Variants in PCDHGA6 observed in about 807,000 individuals in gnomAD.
PCDHGA6 encodes the protein protocadherin gamma subfamily A, 6, also known as protocadherin gamma-A6.
In PCDHGA6, 41 loss-of-function variants were observed where a neutral mutation model predicts 60.6. That is an observed-to-expected ratio of 0.68 (90% CI 0.53 to 0.88). The LOEUF is 0.88. Ranked by LOEUF, PCDHGA6 falls within the 40% of genes least tolerant of loss-of-function variation. The pLI is 0.00. For missense variants in PCDHGA6, 1,312 were observed against 1,203.0 expected, an observed-to-expected ratio of 1.09 and a Z score of -1.34; for synonymous variants, 594 against 524.4, an observed-to-expected ratio of 1.13 and a Z score of -1.81.
intron 1 of PCDHGA6, among the ~76,000 whole-genome samples, chr5:141,456,907 G>A (rs1430292511): frequency 6.6e-6 from 1 of 152,108 alleles, no homozygotes; most frequent in Non-Finnish European, 1.5e-5. Flanking sequence ...AGGTTGCAGT[G>A]AGCCGAGATC....
chr5:141,451,069 C>G (rs2098705799), intron 1 of PCDHGA6, among the ~76,000 whole-genome samples: 1 of 151,836 alleles, frequency 6.6e-6, no homozygotes, highest in Non-Finnish European at 1.5e-5. Flanking sequence ...ACCTTGTGAT[C>G]CACCCACCTT....
In PCDHGA6 at chr5:141,503,604, A is replaced by G. The variant is rs189211439; in HGVS notation, c.2484-1789A>G. 5.2e-3 allele frequency among the ~76,000 whole-genome samples: 793 copies of G among 151,946 alleles called. 3 individuals carry two copies. The highest frequency in any genetic ancestry group is 8.3e-3 in the Non-Finnish European group (566 of 67,924). On this transcript the variant is annotated intron_variant, in intron 2 of 3. Coordinates refer to ENST00000517434, the MANE Select transcript of PCDHGA6 (RefSeq NM_018919.3). ...ACAGAGCGAGACTCCAGCTCAAAAA[A>G]AAAAAAAAAAGAAAAAAGAAAAGAA...
At chr5:141,468,931 G>A (rs1321821773) in intron 1 of PCDHGA6, among the ~76,000 whole-genome samples, 2 of 148,600 alleles carry the variant, frequency 1.3e-5, no homozygotes, top group Non-Finnish European at 3.0e-5. Flanking sequence ...GCACTAAAAT[G>A]GGAGATGGGG....
chr5:141,413,812 C>G (rs761118146), intron 1 of PCDHGA6: 3 of 1,613,144 alleles, frequency 1.9e-6, no homozygotes, highest in Non-Finnish European at 1.7e-6. Context: ...GGCCATTCAC[C>G]ACCTGGTCCT....
chr5:141,458,171 A>G (rs548935841), intron 1 of PCDHGA6, among the ~76,000 whole-genome samples: 74 of 152,336 alleles, frequency 4.9e-4, no homozygotes, highest in African/African-American at 1.6e-3. Flanking sequence ...TCACAGTAGT[A>G]TACCTTACTT....
chr5:141,412,534 A>G (rs1324712420), intron 1 of PCDHGA6: 1 of 152,192 alleles, frequency 6.6e-6, no homozygotes, highest in African/African-American at 2.4e-5. Context: ...ACAATTATAA[A>G]GCTTCAGAGT....
At chr5:141,385,516 C>A in intron 1 of PCDHGA6, 1 of 1,367,218 alleles carries the variant, frequency 7.3e-7, no homozygotes, top group South Asian at 1.9e-5. Flanking sequence ...TAGTGAAAGC[C>A]TATGGACAAG....
At chr5:141,457,356 C>G (rs2098917888) in intron 1 of PCDHGA6, among the ~76,000 whole-genome samples, 1 of 152,170 alleles carries the variant, frequency 6.6e-6, no homozygotes, top group South Asian at 2.1e-4. Context: ...TTACCTGGCA[C>G]AATTTGCAAA....
At chr5:141,468,560 T>G (rs571224791) in intron 1 of PCDHGA6, 1 of 152,004 alleles carries the variant, frequency 6.6e-6, no homozygotes, top group Non-Finnish European at 1.5e-5. Flanking sequence ...ATTTGTGATA[T>G]AGTAAACAAT....
Position 141,431,386 on chromosome 5 carries a change from C to A in PCDHGA6, c.2424+54879C>A. The stretch of plus-strand genomic sequence containing the variant: ...ACCGCGAAGAAAAGGCTGCTCACCA[C>A]CTGGTCCTTACGGCCTCCGACGGGG... On this transcript the variant is annotated intron_variant, in intron 1 of 3. Coordinates refer to ENST00000517434, the MANE Select transcript of PCDHGA6 (RefSeq NM_018919.3). The surrounding 1 kb of genome is among the most constrained non-coding windows in gnomAD (Gnocchi z 4.8). The A allele has an allele frequency of 6.2e-7, 1 of 1,613,924 alleles. No individual in the cohort carries two copies. Among genetic ancestry groups the A allele is most frequent in the Non-Finnish European group, 8.5e-7 (1 of 1,180,038 alleles).
intron 1 of PCDHGA6, chr5:141,377,949 A>G (rs1774488021): frequency 6.6e-6 from 1 of 152,208 alleles, no homozygotes; most frequent in Non-Finnish European, 1.5e-5. Context: ...TAGAGTGTGT[A>G]TCCAGGGCAA....
intron 1 of PCDHGA6, among the ~76,000 whole-genome samples, chr5:141,402,570 C>G (rs947118867): frequency 1.3e-5 from 2 of 152,138 alleles, no homozygotes; most frequent in Admixed American, 1.3e-4. Flanking sequence ...TTATTTACAA[C>G]TCAGATATCT....
chr5:141,482,747 G>T lies in PCDHGA6; in HGVS notation c.2425-12060G>T, dbSNP rs182945398. On this transcript the variant is annotated intron_variant, in intron 1 of 3. Transcript: ENST00000517434. ...CATTGCAAGAAATTCCATGCAGAGG[G>T]ATTATGGTATTTCATTATCACTGAA... Among the ~76,000 whole-genome samples, 567 of 128,410 alleles carry T rather than the reference G, an allele frequency of 4.4e-3. 2 individuals carry two copies. The highest frequency in any genetic ancestry group is 0.019 in the African/African-American group (533 of 28,666). The allele number at this position is 128,410 out of a possible 152,430, so 84.2% of individuals were successfully genotyped here. A position where few individuals can be genotyped will look rare whatever the true frequency, so the allele number is the denominator to read the frequency against.
chr5:141,422,626 C>A, intron 1 of PCDHGA6: 2 of 1,613,334 alleles, frequency 1.2e-6, no homozygotes, highest in Non-Finnish European at 1.7e-6. Flanking sequence ...CGAAAACAAC[C>A]CCAGGGGTGC....
At chr5:141,386,155 C>A (rs763846568) in intron 1 of PCDHGA6, among the ~76,000 whole-genome samples, 73 of 152,278 alleles carry the variant, frequency 4.8e-4, no homozygotes, top group Middle Eastern at 3.4e-3. Flanking sequence ...AACTGTCTCA[C>A]GTACTCAAAC....
intron 1 of PCDHGA6, among the ~76,000 whole-genome samples, chr5:141,457,827 C>T (rs1300495115): frequency 2.0e-5 from 3 of 152,204 alleles, no homozygotes; most frequent in Admixed American, 6.5e-5. Context: ...AAACTCAGAG[C>T]TTCCAGACCT....
chr5:141,398,584 A>T lies in PCDHGA6; in HGVS notation c.2424+22077A>T, dbSNP rs201021035. On this transcript the variant is annotated intron_variant, in intron 1 of 3. Transcript: ENST00000517434. Reference sequence around the variant, plus strand: ...GTCTGCACAGCCTGGCACAAGATTTATACTAGAAGTAGCAGAAGATGCAGA... The same window carrying T: ...GTCTGCACAGCCTGGCACAAGATTTTTACTAGAAGTAGCAGAAGATGCAGA... 1.9e-6 allele frequency: 3 copies of T among 1,614,066 alleles called. No homozygotes were observed. In the South Asian group the frequency reaches 3.3e-5, roughly 18 times the overall value.
Position 141,489,068 on chromosome 5 carries a change from G to GC in PCDHGA6, c.2425-5736dup. ...CTCAAATTCAGCTCCCCTCCCCCCT[G>GC]CCCACCCCCGCCACTCGGTGACTAA... On this transcript the variant is annotated intron_variant, in intron 1 of 3. Transcript: ENST00000517434. The surrounding 1 kb of genome is among the most constrained non-coding windows in gnomAD (Gnocchi z 4.5). 3 of 291,558 alleles carry GC rather than the reference G, an allele frequency of 1.0e-5. No homozygotes were observed. Among genetic ancestry groups the GC allele is most frequent in the Admixed American group, 5.4e-5 (1 of 18,530 alleles). 18.1% of individuals were successfully genotyped at this position (291,558 alleles called of 1,614,324 possible).
intron 1 of PCDHGA6, among the ~76,000 whole-genome samples, chr5:141,460,365 A>G (rs887924740): frequency 6.6e-6 from 1 of 152,180 alleles, no homozygotes; most frequent in African/African-American, 2.4e-5. Context: ...TAGAAGTTTT[A>G]TAGTTTTACC....
Sources: gnomAD v4.1 joint callset for allele counts (sites outside exome capture counted in the v4.1 genomes callset) on GRCh38, gnomAD v4.1.1 for gene constraint, Gnocchi (gnomAD v3.1) non-coding constraint, MANE v1.5 for transcripts, NCBI Gene and HGNC (gene_info 2026-07-23, HGNC 2026-07-21) for gene names.